Variants in JAZF1 observed in about 807,000 individuals in gnomAD.
The protein encoded by JAZF1 is juxtaposed with another zinc finger protein 1.
JAZF1 carries 8 observed loss-of-function variants against 26.4 expected under a neutral mutation model. That is an observed-to-expected ratio of 0.30 (90% CI 0.18 to 0.55). The LOEUF (loss-of-function observed/expected upper bound fraction) is 0.55. Ranked by LOEUF, JAZF1 falls within the 20% of genes least tolerant of loss-of-function variation. The pLI is 0.94. For synonymous variants in JAZF1, 126 were observed against 122.3 expected (o/e 1.03, Z -0.20); for missense variants, 199 against 322.0 (o/e 0.62, Z 2.92).
chr7:28,095,219 C>T (rs1286297514), intron 1 of JAZF1, among the ~76,000 whole-genome samples: 1 of 152,018 alleles, frequency 6.6e-6, no homozygotes, highest in Non-Finnish European at 1.5e-5. Context: ...GTTGGGCCTC[C>T]TAGGCAAGCC....
chr7:27,922,308 G>A (rs957059912), intron 2 of JAZF1, among the ~76,000 whole-genome samples: 13 of 152,150 alleles, frequency 8.5e-5, no homozygotes, highest in African/African-American at 2.9e-4. Flanking sequence ...GCAGTGGCAC[G>A]ATCTCAGCTC....
intron 2 of JAZF1, among the ~76,000 whole-genome samples, chr7:27,905,604 C>T (rs1784242026): frequency 6.7e-6 from 1 of 150,362 alleles, no homozygotes; most frequent in South Asian, 2.1e-4. Flanking sequence ...AAGGCAGCTA[C>T]AGTAAATTTA....
At chr7:27,985,287 C>T (rs1785677230) in intron 2 of JAZF1, among the ~76,000 whole-genome samples, 3 of 152,190 alleles carry the variant, frequency 2.0e-5, no homozygotes, top group Admixed American at 2.0e-4. Flanking sequence ...ACCAATCCCA[C>T]AGAAATACAA....
chr7:27,901,994 A>G (rs886126862), intron 2 of JAZF1, among the ~76,000 whole-genome samples: 1 of 152,218 alleles, frequency 6.6e-6, no homozygotes, highest in Non-Finnish European at 1.5e-5. Flanking sequence ...TGCAACCTGC[A>G]ATTTTGAGAT....
chr7:27,974,598 T>G (rs546343197), intron 2 of JAZF1, among the ~76,000 whole-genome samples: 1 of 152,298 alleles, frequency 6.6e-6, no homozygotes, highest in African/African-American at 2.4e-5. Context: ...TGCTATATAC[T>G]TTTATGTAGG....
chr7:27,883,232 A>G (rs1016397601), intron 3 of JAZF1, among the ~76,000 whole-genome samples: 3 of 152,186 alleles, frequency 2.0e-5, no homozygotes, highest in Admixed American at 2.0e-4. Flanking sequence ...TTTTTGGCCA[A>G]TGCAGAGACC....
At position 27,832,947 on chromosome 7, in the gene JAZF1, C is replaced by G; in HGVS notation, c.585G>C (p.Lys195Asn). The G allele has an allele frequency of 1.2e-6, 2 of 1,605,018 alleles. No homozygotes were observed. The highest frequency in any genetic ancestry group is 1.7e-6 in the Non-Finnish European group (2 of 1,176,320). The change falls in exon 5 of 5, where the codon AAG (lysine) becomes AAC (asparagine). Residue 195 changes from lysine (K) to asparagine (N), a missense_variant. Coordinates refer to ENST00000283928, the MANE Select transcript of JAZF1 (RefSeq NM_175061.4). ...CACGAATCTGTGTTCTGTGACCATTCTTAGCGTGATACTTTATGCCATTCA... is the reference window on the plus strand; with the variant it reads ...CACGAATCTGTGTTCTGTGACCATTGTTAGCGTGATACTTTATGCCATTCA... ...KNVNGIKYHA[K>N]NGHRTQIRVR...
chr7:27,853,928 T>C (rs1310300494), intron 3 of JAZF1, among the ~76,000 whole-genome samples: 3 of 152,238 alleles, frequency 2.0e-5, no homozygotes, highest in Admixed American at 6.5e-5. Flanking sequence ...CTGAATATCC[T>C]TGTTAATTTT....
At chr7:28,071,873 A>G (rs1783983672) in intron 1 of JAZF1, among the ~76,000 whole-genome samples, 1 of 152,228 alleles carries the variant, frequency 6.6e-6, no homozygotes, top group Admixed American at 6.5e-5. Flanking sequence ...AGTTCTCGGC[A>G]TTTCTTATTC....
chr7:27,890,031 C>T (rs1783942794), intron 3 of JAZF1, among the ~76,000 whole-genome samples: 1 of 151,992 alleles, frequency 6.6e-6, no homozygotes. Flanking sequence ...ACAAAGCAGT[C>T]CATTGCTTGA....
At chr7:27,989,778 G>A (rs1267567998) in intron 2 of JAZF1, among the ~76,000 whole-genome samples, 3 of 152,152 alleles carry the variant, frequency 2.0e-5, no homozygotes, top group African/African-American at 7.2e-5. Flanking sequence ...AAAAAGTCAG[G>A]AAACAACAGG....
At chr7:27,888,807 T>C (rs1338058167) in intron 3 of JAZF1, among the ~76,000 whole-genome samples, 1 of 152,194 alleles carries the variant, frequency 6.6e-6, no homozygotes, top group Non-Finnish European at 1.5e-5. Flanking sequence ...TTTCCTTGGG[T>C]GCCTTTCTCT....
At chr7:28,082,708 T>G (rs1244226719) in intron 1 of JAZF1, among the ~76,000 whole-genome samples, 1 of 152,054 alleles carries the variant, frequency 6.6e-6, no homozygotes, top group Non-Finnish European at 1.5e-5. Context: ...TCTGGAACCT[T>G]ACCCCTCACA....
At chr7:27,966,546 T>C (rs1272801518) in intron 2 of JAZF1, among the ~76,000 whole-genome samples, 1 of 152,098 alleles carries the variant, frequency 6.6e-6, no homozygotes. Flanking sequence ...AGGGCACTGA[T>C]GGTGTATGTG....
chr7:28,066,184 G>A (rs1489457281), intron 1 of JAZF1, among the ~76,000 whole-genome samples: 1 of 152,154 alleles, frequency 6.6e-6, no homozygotes, highest in Non-Finnish European at 1.5e-5. Context: ...AACAATTACA[G>A]AAACAAATCT....
chr7:27,867,671 C>G (rs896834158), intron 3 of JAZF1, among the ~76,000 whole-genome samples: 25 of 152,216 alleles, frequency 1.6e-4, no homozygotes, highest in African/African-American at 5.5e-4. Flanking sequence ...TTGGGAGAAA[C>G]TGCAAGGGCA....
chr7:28,055,027 G>A (rs1003324598), intron 1 of JAZF1, among the ~76,000 whole-genome samples: 1 of 152,016 alleles, frequency 6.6e-6, no homozygotes, highest in African/African-American at 2.4e-5. Context: ...TATGCAATGG[G>A]TAAAAATCAG....
At chr7:28,133,735 GT>G (rs918083165) in intron 1 of JAZF1, among the ~76,000 whole-genome samples, 20 of 152,254 alleles carry the variant, frequency 1.3e-4, no homozygotes, top group African/African-American at 3.6e-4. Flanking sequence ...AGCCATATGG[GT>G]TTTCCTTCTG....
At chr7:28,000,152 T>C (rs1786111062) in intron 1 of JAZF1, among the ~76,000 whole-genome samples, 1 of 152,110 alleles carries the variant, frequency 6.6e-6, no homozygotes. Context: ...TTAGTATTAG[T>C]TGTAGAATAT....
Sources: gnomAD v4.1 joint callset for allele counts (sites outside exome capture counted in the v4.1 genomes callset) on GRCh38, gnomAD v4.1.1 for gene constraint, MANE v1.5 for transcripts, NCBI Gene and HGNC (gene_info 2026-07-23, HGNC 2026-07-21) for gene names.